The following PPP3CA variants were observed in gnomAD, a reference collection of about 807,000 sequenced individuals.
The protein encoded by PPP3CA is CAM-PRP catalytic subunit.
PPP3CA carries 14 observed loss-of-function variants against 66.5 expected under a neutral mutation model. The ratio of observed to expected loss-of-function variants is 0.21; its 90% confidence interval spans 0.14 to 0.33. The LOEUF (loss-of-function observed/expected upper bound fraction) is 0.33. PPP3CA is among the 10% of genes least tolerant of loss of function. The pLI, the probability that PPP3CA is intolerant of heterozygous loss-of-function variation, is 1.00. For missense variants in PPP3CA, 317 were observed against 639.5 expected, an observed-to-expected ratio of 0.50 and a Z score of 5.44; for synonymous variants, 232 against 226.2, an observed-to-expected ratio of 1.03 and a Z score of -0.23.
chr4:101,346,156 C>G (rs1045729431), intron 1 of PPP3CA, among the ~76,000 whole-genome samples: 1 of 151,648 alleles, frequency 6.6e-6, no homozygotes, highest in Admixed American at 6.6e-5. Flanking sequence ...CTCTCCCGCT[C>G]TCTCGCGAGT....
intron 2 of PPP3CA, among the ~76,000 whole-genome samples, chr4:101,164,862 A>G (rs1723640953): frequency 6.6e-6 from 1 of 152,136 alleles, no homozygotes; most frequent in African/African-American, 2.4e-5. Flanking sequence ...TCCACCAAAA[A>G]ACTTAGAAGA....
intron 2 of PPP3CA, among the ~76,000 whole-genome samples, chr4:101,160,875 T>G (rs1234056809): frequency 1.3e-5 from 2 of 152,148 alleles, no homozygotes; most frequent in African/African-American, 4.8e-5. Flanking sequence ...GATCTGCTAA[T>G]ATCAAGACAA....
At chr4:101,110,857 G>C (rs1461309554) in intron 2 of PPP3CA, among the ~76,000 whole-genome samples, 1 of 152,028 alleles carries the variant, frequency 6.6e-6, no homozygotes, top group Non-Finnish European at 1.5e-5. Context: ...ACCTGCTCTG[G>C]GGACTTCCAC....
chr4:101,143,475 C>T (rs1321909422), intron 2 of PPP3CA, among the ~76,000 whole-genome samples: 2 of 152,246 alleles, frequency 1.3e-5, no homozygotes, highest in East Asian at 1.9e-4. Context: ...GAGTATCTTC[C>T]TTTTCCTCAC....
chr4:101,227,696 G>T (rs1333656234), intron 1 of PPP3CA, among the ~76,000 whole-genome samples: 3 of 151,690 alleles, frequency 2.0e-5, no homozygotes, highest in East Asian at 3.9e-4. Context: ...CCAATAGGTA[G>T]TTTTTCAATC....
chr4:101,076,028 A>G (rs1729174757), intron 8 of PPP3CA, among the ~76,000 whole-genome samples: 2 of 152,184 alleles, frequency 1.3e-5, no homozygotes, highest in Non-Finnish European at 2.9e-5. Context: ...TCACTTTTAC[A>G]GGGGGCAAAT....
At chr4:101,213,358 T>C (rs1440009739) in intron 1 of PPP3CA, among the ~76,000 whole-genome samples, 1 of 152,196 alleles carries the variant, frequency 6.6e-6, no homozygotes, top group Non-Finnish European at 1.5e-5. Context: ...AGTATGTGAC[T>C]GTAGTCGTAT....
chr4:101,314,295 A>C (rs1458619186), intron 1 of PPP3CA, among the ~76,000 whole-genome samples: 1 of 152,186 alleles, frequency 6.6e-6, no homozygotes, highest in Non-Finnish European at 1.5e-5. Flanking sequence ...TTAAGATGTT[A>C]CTAATCAAGT....
At chr4:101,319,026 C>G (rs1300188380) in intron 1 of PPP3CA, among the ~76,000 whole-genome samples, 1 of 152,024 alleles carries the variant, frequency 6.6e-6, no homozygotes, top group Admixed American at 6.6e-5. Context: ...AATCTCTCAA[C>G]TAAAGTTATT....
rs1267604243 is a variant in PPP3CA at position 101,218,497 on chromosome 4, T to TGG, written c.59-22382_59-22381insCC. Among the ~76,000 whole-genome samples the TGG allele has an allele frequency of 1.4e-4, 21 of 152,210 alleles. No individual in the cohort carries two copies. In the East Asian group the frequency reaches 1.9e-3, roughly 14 times the overall value. On this transcript the variant is annotated intron_variant, in intron 1 of 13. Coordinates refer to ENST00000394854, the MANE Select transcript of PPP3CA (RefSeq NM_000944.5). ...ATTTTTTTTCCCTTTGCTTAATTTT[T>TGG]GTTGTTGTTACACCCAAGTTTTCCC...
intron 1 of PPP3CA, among the ~76,000 whole-genome samples, chr4:101,215,712 C>A (rs563150398): frequency 6.6e-6 from 1 of 152,130 alleles, no homozygotes; most frequent in African/African-American, 2.4e-5. Context: ...TTGTTTTCAT[C>A]ATGTAAGCAT....
intron 2 of PPP3CA, among the ~76,000 whole-genome samples, chr4:101,184,339 G>A (rs1207317996): frequency 6.6e-6 from 1 of 152,074 alleles, no homozygotes. Flanking sequence ...TGATTCCTGC[G>A]GCTGCATTTA....
At chr4:101,285,813 C>T (rs1727829661) in intron 1 of PPP3CA, among the ~76,000 whole-genome samples, 3 of 152,120 alleles carry the variant, frequency 2.0e-5, no homozygotes, top group African/African-American at 2.4e-5. Context: ...TGAATCACCA[C>T]AAAGCCGGTC....
rs370212443 is a variant in PPP3CA, at chr4:101,061,067, C to A, written c.1156+20G>T. The A allele has an allele frequency of 3.8e-5, 60 of 1,596,356 alleles. No individual in the cohort carries two copies. In the African/African-American group the frequency reaches 7.2e-4, roughly 19 times the overall value. ...AATTATCTGGCAAATAGCATTAGCA[C>A]AAAGGCTCAAGCCTCTTACCATCAA... On this transcript the variant is annotated intron_variant, in intron 10 of 13. Coordinates refer to ENST00000394854, the MANE Select transcript of PPP3CA (RefSeq NM_000944.5).
chr4:101,239,803 A>T (rs1025345637), intron 1 of PPP3CA, among the ~76,000 whole-genome samples: 2 of 152,002 alleles, frequency 1.3e-5, no homozygotes, highest in African/African-American at 4.8e-5. Flanking sequence ...CATCAAAGTC[A>T]TTACTCCTTT....
At chr4:101,224,159 G>C (rs1464607627) in intron 1 of PPP3CA, among the ~76,000 whole-genome samples, 1 of 151,648 alleles carries the variant, frequency 6.6e-6, no homozygotes, top group Non-Finnish European at 1.5e-5. Context: ...GAATGAAAGG[G>C]GTGCTATTAA....
rs77408287 is a variant in PPP3CA at position 101,027,362 on chromosome 4, G to T, written c.1370-1301C>A. Among the ~76,000 whole-genome samples, 120 of 151,792 alleles carry T rather than the reference G, an allele frequency of 7.9e-4. 1 individual carries two copies. The highest frequency in any genetic ancestry group is 2.7e-3 in the African/African-American group (110 of 41,388). On this transcript the variant is annotated intron_variant, in intron 13 of 13. Transcript: ENST00000394854. ...ATTAGTATGGATGAGATTCCTAAAA[G>T]ATATACACAGTTGTTTCAATACTCA...
At chr4:101,149,823 G>A (rs1029323958) in intron 2 of PPP3CA, among the ~76,000 whole-genome samples, 2 of 152,152 alleles carry the variant, frequency 1.3e-5, no homozygotes, top group African/African-American at 4.8e-5. Flanking sequence ...CAATGGCTAG[G>A]TTATTGACAG....
intron 1 of PPP3CA, among the ~76,000 whole-genome samples, chr4:101,256,135 A>C (rs917744830): frequency 2.0e-5 from 3 of 151,954 alleles, no homozygotes; most frequent in African/African-American, 7.2e-5. Flanking sequence ...AAAACATATT[A>C]CAAAACGTAA....
Sources: allele counts gnomAD v4.1 joint callset (sites outside exome capture counted in the v4.1 genomes callset), GRCh38; gene constraint gnomAD v4.1.1; transcripts MANE v1.5; gene names NCBI Gene and HGNC (gene_info 2026-07-23, HGNC 2026-07-21).